TSPAN11: variants seen among roughly 807,000 people sequenced by gnomAD.
TSPAN11 encodes the protein tetraspanin 11.
In TSPAN11, 29 loss-of-function variants were observed where a neutral mutation model predicts 32.9. That is an observed-to-expected ratio of 0.88 (90% CI 0.66 to 1.20). The LOEUF is 1.20. TSPAN11 is among the 50% of genes most tolerant of loss of function. TSPAN11 has a pLI of 0.00. For synonymous variants in TSPAN11, 140 were observed against 141.3 expected (o/e 0.99, Z 0.07); for missense variants, 283 against 329.1 (o/e 0.86, Z 1.08).
chr12:30,943,046 GGT>G, intron 1 of TSPAN11, among the ~76,000 whole-genome samples: 1 of 152,200 alleles, frequency 6.6e-6, no homozygotes, highest in South Asian at 2.1e-4. Flanking sequence ...CCAGGGAGAA[GGT>G]GTGATTCCCT....
At chr12:31,009,171 G>A in the TSPAN11 span, among the ~76,000 whole-genome samples, 1 of 152,194 alleles carries the variant, frequency 6.6e-6, no homozygotes, top group Non-Finnish European at 1.5e-5. Context: ...CCACACCTCT[G>A]CCTCCAGACC....
At chr12:30,991,329 C>T (rs536812907) in intron 7 of TSPAN11, among the ~76,000 whole-genome samples, 4 of 152,252 alleles carry the variant, frequency 2.6e-5, no homozygotes, top group East Asian at 1.9e-4. Flanking sequence ...GCCAGAGCAT[C>T]GAAGATGGAC....
intron 7 of TSPAN11, among the ~76,000 whole-genome samples, chr12:30,991,241 T>C (rs1454056868): frequency 6.6e-6 from 1 of 152,184 alleles, no homozygotes; most frequent in African/African-American, 2.4e-5. Flanking sequence ...CCAGCTCTTA[T>C]TCTATGCTGA....
chr12:31,013,268 C>T, the TSPAN11 span, among the ~76,000 whole-genome samples: 1 of 152,156 alleles, frequency 6.6e-6, no homozygotes, highest in Non-Finnish European at 1.5e-5. Context: ...AGAATGTGTG[C>T]CTCTCTACCA....
At chr12:30,937,438 C>G (rs768455355) in intron 1 of TSPAN11, among the ~76,000 whole-genome samples, 15 of 149,882 alleles carry the variant, frequency 1.0e-4, no homozygotes, top group African/African-American at 3.7e-4. Context: ...TTTGGGGGGG[C>G]GGCAGGGGGC....
chr12:30,942,430 C>G (rs1427160745), intron 1 of TSPAN11, among the ~76,000 whole-genome samples: 1 of 152,220 alleles, frequency 6.6e-6, no homozygotes, highest in Non-Finnish European at 1.5e-5. Flanking sequence ...AACCTGCCAA[C>G]TACTGGCTAT....
chr12:30,930,401 C>T (rs1166591084), intron 1 of TSPAN11, among the ~76,000 whole-genome samples: 3 of 152,118 alleles, frequency 2.0e-5, no homozygotes, highest in South Asian at 2.1e-4. Flanking sequence ...GCTGGAGCTG[C>T]GAGAAGGAAA....
intron 7 of TSPAN11, among the ~76,000 whole-genome samples, chr12:30,990,297 C>T (rs1361074779): frequency 3.3e-5 from 5 of 152,208 alleles, no homozygotes; most frequent in Admixed American, 3.3e-4. Flanking sequence ...CCCCTCCAGT[C>T]CTCCCCCAGC....
chr12:30,988,893 T>C (rs1939257212), intron 7 of TSPAN11, among the ~76,000 whole-genome samples: 1 of 152,246 alleles, frequency 6.6e-6, no homozygotes, highest in African/African-American at 2.4e-5. Flanking sequence ...GGGTGGAATC[T>C]GGAGGCACTC....
intron 1 of TSPAN11, among the ~76,000 whole-genome samples, chr12:30,929,773 A>G (rs1937879501): frequency 6.6e-6 from 1 of 152,206 alleles, no homozygotes; most frequent in South Asian, 2.1e-4. Flanking sequence ...ATCTGTATTT[A>G]CAGCAGCCAT....
rs752463247 is a variant in TSPAN11, at chr12:30,982,389, G to T, written c.457-143G>T. Reference sequence around the variant, plus strand: ...GCTCTCTGCTCAAAGCATGGGAAGGGAAAACACATTATACAAATACTAACT... The same window carrying T: ...GCTCTCTGCTCAAAGCATGGGAAGGTAAAACACATTATACAAATACTAACT... On this transcript the variant is annotated intron_variant, in intron 5 of 7. Transcript: ENST00000546076. The T allele has an allele frequency of 2.9e-4, 362 of 1,255,064 alleles. 2 individuals carry two copies. The highest frequency in any genetic ancestry group is 1.2e-3 in the Middle Eastern group (5 of 4,094). 77.7% of individuals were successfully genotyped at this position (1,255,064 alleles called of 1,614,324 possible).
chr12:31,015,086 A>G, the TSPAN11 span, among the ~76,000 whole-genome samples: 3 of 152,208 alleles, frequency 2.0e-5, no homozygotes, highest in Admixed American at 6.5e-5. This position sits in a 1 kb window ranked among gnomAD's most constrained non-coding sequence, Gnocchi z 4.9. Context: ...ATAAACGCAT[A>G]TTCTTTAATA....
chr12:30,960,528 G>A (rs1451207212), intron 2 of TSPAN11, among the ~76,000 whole-genome samples: 1 of 151,964 alleles, frequency 6.6e-6, no homozygotes, highest in Admixed American at 6.5e-5. Flanking sequence ...CTTTCCTCCA[G>A]GTCTGCTGCC....
chr12:30,958,245 A>AT (rs1050802512), intron 2 of TSPAN11, among the ~76,000 whole-genome samples: 10 of 152,102 alleles, frequency 6.6e-5, no homozygotes, highest in African/African-American at 2.4e-4. Context: ...GTTCTGATTT[A>AT]TTTTATCAAG....
At chr12:30,968,022 G>T (rs1210025726) in intron 3 of TSPAN11, among the ~76,000 whole-genome samples, 2 of 152,208 alleles carry the variant, frequency 1.3e-5, no homozygotes, top group East Asian at 3.9e-4. Flanking sequence ...CTCCCATTTA[G>T]AGTCAAGTGG....
At chr12:31,013,425 T>A in the TSPAN11 span, among the ~76,000 whole-genome samples, 114 of 151,774 alleles carry the variant, frequency 7.5e-4, 1 homozygote, top group African/African-American at 2.6e-3. Flanking sequence ...AAAAAAAAAT[T>A]TTTTTTAATT....
In TSPAN11 at chr12:30,979,658, A is replaced by C; in HGVS notation, c.444A>C (p.Arg148=). 6.2e-7 allele frequency: 1 copy of C among 1,613,928 alleles called. No homozygotes were observed. Among genetic ancestry groups the C allele is most frequent in the Non-Finnish European group, 8.5e-7 (1 of 1,179,966 alleles). ...GATQITASVD[R]LQQDFKCCGS... ...CGCAGATCACCGCCTCAGTGGACCG[A>C]CTCCAGCAGGATGTAAGCCATGCCC... Residue 148 remains arginine (R), a synonymous_variant, in exon 5 of 8, where the codon CGA becomes CGC. Coordinates refer to ENST00000546076, the MANE Select transcript of TSPAN11 (RefSeq NM_001370302.1).
intron 3 of TSPAN11, among the ~76,000 whole-genome samples, chr12:30,973,476 AT>A (rs924816398): frequency 8.6e-5 from 13 of 151,278 alleles, no homozygotes; most frequent in African/African-American, 1.9e-4. Flanking sequence ...AGAAAGGGTT[AT>A]TTTTTTTTCT....
chr12:30,999,256 G>A (rs931171028), downstream of TSPAN11: 5 of 152,096 alleles, frequency 3.3e-5, no homozygotes, highest in Admixed American at 1.3e-4. Context: ...AGGCTGCAGT[G>A]AGCCGTGGTT....
Sources: gnomAD v4.1 joint callset for allele counts (sites outside exome capture counted in the v4.1 genomes callset) on GRCh38, gnomAD v4.1.1 for gene constraint, Gnocchi (gnomAD v3.1) non-coding constraint, MANE v1.5 for transcripts, NCBI Gene and HGNC (gene_info 2026-07-23, HGNC 2026-07-21) for gene names.